SATB2: variants seen among roughly 807,000 people sequenced by gnomAD.
SATB2 encodes the protein SATB homeobox 2, also known as DNA-binding protein SATB2.
SATB2 carries 1 observed loss-of-function variant against 73.4 expected under a neutral mutation model. The ratio of observed to expected loss-of-function variants is 0.01; its 90% CI spans 0.00 to 0.06. The LOEUF is 0.06. Ranked by LOEUF, SATB2 falls within the 10% of genes least tolerant of loss-of-function variation. The pLI is 1.00. For missense variants in SATB2, 459 were observed against 945.8 expected, an observed-to-expected ratio of 0.49 and a Z score of 6.75; for synonymous variants, 397 against 367.0, an observed-to-expected ratio of 1.08 and a Z score of -0.93.
chr2:199,355,322 GTA>G (rs1160280614), intron 6 of SATB2, among the ~76,000 whole-genome samples: 36 of 96,548 alleles, frequency 3.7e-4, no homozygotes, highest in African/African-American at 2.1e-3. Flanking sequence ...ATATACATAT[GTA>G]TGTGTGTGTG....
At chr2:199,406,760 A>G (rs989605992) in intron 3 of SATB2, among the ~76,000 whole-genome samples, 1 of 152,128 alleles carries the variant, frequency 6.6e-6, no homozygotes, top group African/African-American at 2.4e-5. Flanking sequence ...TTAGGAAATG[A>G]CACTGAAAAG....
At chr2:199,325,728 T>C (rs956054431) in intron 8 of SATB2, among the ~76,000 whole-genome samples, 2 of 152,146 alleles carry the variant, frequency 1.3e-5, no homozygotes, top group Non-Finnish European at 2.9e-5. Context: ...CCCTCAGCCA[T>C]GTGCCCTTAC....
At chr2:199,361,103 CA>C (rs1464587772) in intron 6 of SATB2, among the ~76,000 whole-genome samples, 1 of 152,048 alleles carries the variant, frequency 6.6e-6, no homozygotes. Context: ...AATTGTCATC[CA>C]AAAAAGTGCT....
intron 2 of SATB2, among the ~76,000 whole-genome samples, chr2:199,434,328 C>T (rs1319838583): frequency 6.6e-6 from 1 of 152,054 alleles, no homozygotes; most frequent in East Asian, 1.9e-4. Context: ...AAGAATAAAG[C>T]AAATTAGTCT....
chr2:199,437,711 T>G (rs1001107986), intron 2 of SATB2, among the ~76,000 whole-genome samples: 4 of 152,240 alleles, frequency 2.6e-5, no homozygotes, highest in Admixed American at 2.6e-4. Flanking sequence ...TTTACATATT[T>G]AAGTTGTCTG....
chr2:199,370,445 A>C (rs1011840326), intron 5 of SATB2, among the ~76,000 whole-genome samples: 1 of 152,138 alleles, frequency 6.6e-6, no homozygotes, highest in Non-Finnish European at 1.5e-5. Context: ...ATAACCACAA[A>C]CGTACTTGTC....
In SATB2 at chr2:199,361,764, T is replaced by C. The variant is rs114048531; in HGVS notation, c.700+6841A>G. Among the ~76,000 whole-genome samples the C allele has an allele frequency of 8.2e-3, 1,137 of 138,116 alleles. 13 individuals are homozygous for C. The highest frequency in any genetic ancestry group is 0.029 in the African/African-American group (1,067 of 36,920). The allele number at this position is 138,116 out of a possible 152,430, so 90.6% of individuals were successfully genotyped here. ...GCCAGGTCCCAACCATTTCTTTTTT[T>C]TTTTTTTTATGTGAGACAGAGTCAC... On this transcript the variant is annotated intron_variant, in intron 6 of 10. Coordinates refer to ENST00000417098, the MANE Select transcript of SATB2 (RefSeq NM_001172509.2).
chr2:199,282,828 C>T (rs996164522), intron 10 of SATB2, among the ~76,000 whole-genome samples: 21 of 152,176 alleles, frequency 1.4e-4, no homozygotes, highest in Non-Finnish European at 2.4e-4. Flanking sequence ...ATTTCTTTCA[C>T]TCAAATACTA....
intron 10 of SATB2, among the ~76,000 whole-genome samples, chr2:199,286,349 A>G (rs1692688206): frequency 6.6e-6 from 1 of 152,210 alleles, no homozygotes; most frequent in Non-Finnish European, 1.5e-5. Context: ...AGTGGCAATT[A>G]TACCTTTCCC....
intron 3 of SATB2, among the ~76,000 whole-genome samples, chr2:199,419,742 T>C (rs1691108804): frequency 6.6e-6 from 1 of 152,188 alleles, no homozygotes; most frequent in Non-Finnish European, 1.5e-5. Flanking sequence ...GTCATAGGTA[T>C]TTCAGAAAAC....
At chr2:199,386,368 C>T (rs1689932579) in intron 3 of SATB2, among the ~76,000 whole-genome samples, 1 of 152,138 alleles carries the variant, frequency 6.6e-6, no homozygotes, top group African/African-American at 2.4e-5. Flanking sequence ...AAAAACAGCG[C>T]TCATTCCAAG....
intron 3 of SATB2, among the ~76,000 whole-genome samples, chr2:199,389,688 C>G (rs142495521): frequency 6.6e-6 from 1 of 152,114 alleles, no homozygotes; most frequent in Non-Finnish European, 1.5e-5. Flanking sequence ...CTGACAAACA[C>G]AAACAAAGTA....
intron 9 of SATB2, among the ~76,000 whole-genome samples, chr2:199,321,632 T>C (rs1687896008): frequency 6.6e-6 from 1 of 151,802 alleles, no homozygotes; most frequent in Non-Finnish European, 1.5e-5. Flanking sequence ...ATATATGCCA[T>C]GTACCAAATC....
At chr2:199,332,686 A>G (rs1688222187) in intron 7 of SATB2, among the ~76,000 whole-genome samples, 2 of 152,116 alleles carry the variant, frequency 1.3e-5, no homozygotes, top group Non-Finnish European at 2.9e-5. Context: ...CTGAGTCTGT[A>G]CTTTCTGTGT....
intron 10 of SATB2, among the ~76,000 whole-genome samples, chr2:199,290,556 G>A (rs1231374175): frequency 1.3e-5 from 2 of 152,088 alleles, no homozygotes; most frequent in Non-Finnish European, 2.9e-5. Context: ...ACTTATTACC[G>A]AAAAGAGCTG....
intron 9 of SATB2, among the ~76,000 whole-genome samples, chr2:199,317,229 G>A (rs1480328516): frequency 6.6e-6 from 1 of 151,990 alleles, no homozygotes. Flanking sequence ...TTGCACCCCA[G>A]GCAGCTAGCT....
chr2:199,299,277 A>G (rs1321364210), intron 10 of SATB2, among the ~76,000 whole-genome samples: 1 of 152,220 alleles, frequency 6.6e-6, no homozygotes, highest in Non-Finnish European at 1.5e-5. Context: ...TAATCAACAG[A>G]TGCCATTCTT....
chr2:199,462,875 C>T (rs1692509052), upstream of SATB2, among the ~76,000 whole-genome samples: 1 of 152,148 alleles, frequency 6.6e-6, no homozygotes, highest in Admixed American at 6.5e-5. The surrounding 1 kb of genome is among the most constrained non-coding windows in gnomAD (Gnocchi z 5.9). Context: ...GCTAGTGGGG[C>T]CGACCGTTCA....
chr2:199,458,557 C>G, upstream of SATB2: 1 of 360,966 alleles, frequency 2.8e-6, no homozygotes, highest in South Asian at 2.0e-5. Flanking sequence ...GTCCAGGGCG[C>G]GGCCGCCTCG....
Sources: gnomAD v4.1 joint callset for allele counts (sites outside exome capture counted in the v4.1 genomes callset) on GRCh38, gnomAD v4.1.1 for gene constraint, Gnocchi (gnomAD v3.1) non-coding constraint, MANE v1.5 for transcripts, NCBI Gene and HGNC (gene_info 2026-07-23, HGNC 2026-07-21) for gene names.